Variants in DNAH7 observed in about 807,000 individuals in gnomAD.
DNAH7 encodes the protein axonemal beta dynein heavy chain 7.
Under a neutral mutation model 444.6 loss-of-function variants are expected in DNAH7, and 397 were observed. That is an observed-to-expected ratio of 0.89 (90% confidence interval 0.82 to 0.97). The LOEUF is 0.97. Among genes scored for constraint, DNAH7 ranks in the 50% least tolerant of loss-of-function variants. The probability of loss-of-function intolerance (pLI) is 0.00; values close to 1 mark genes in which losing one functional copy is unlikely to be tolerated. For synonymous variants in DNAH7, 1,636 were observed against 1,624.4 expected (o/e 1.01, Z -0.17); for missense variants, 4,902 against 4,800.8 (o/e 1.02, Z -0.62).
At chr2:195,955,206 G>A (rs532827380) in intron 19 of DNAH7, among the ~76,000 whole-genome samples, 1 of 152,260 alleles carries the variant, frequency 6.6e-6, no homozygotes, top group African/African-American at 2.4e-5. Context: ...TTTGTATAAG[G>A]TGTAAGGAAG....
chr2:196,056,773 G>A (rs561545364), intron 2 of DNAH7, among the ~76,000 whole-genome samples: 22 of 152,212 alleles, frequency 1.4e-4, no homozygotes, highest in Admixed American at 5.9e-4. Flanking sequence ...TTATTATTGC[G>A]TCTCAAATAC....
At chr2:195,944,850 C>T (rs1689696242) in intron 19 of DNAH7, among the ~76,000 whole-genome samples, 1 of 151,906 alleles carries the variant, frequency 6.6e-6, no homozygotes, top group Non-Finnish European at 1.5e-5. Flanking sequence ...TTTTATTTCT[C>T]CAGTGCTTTT....
chr2:195,966,104 C>T (rs762288829), intron 17 of DNAH7, among the ~76,000 whole-genome samples: 1 of 151,732 alleles, frequency 6.6e-6, no homozygotes, highest in Non-Finnish European at 1.5e-5. Flanking sequence ...TAAATTTCCC[C>T]CTTAGCACTG....
intron 54 of DNAH7, among the ~76,000 whole-genome samples, chr2:195,803,916 C>A (rs2124829698): frequency 1.3e-5 from 2 of 152,242 alleles, no homozygotes. Context: ...CTATTAAATT[C>A]TAAAGGAAAG....
chr2:196,013,345 A>C (rs549352918), intron 9 of DNAH7, among the ~76,000 whole-genome samples: 1 of 151,842 alleles, frequency 6.6e-6, no homozygotes, highest in African/African-American at 2.4e-5. Context: ...AAGAACCAGT[A>C]TATCAAACTC....
At chr2:195,914,342 C>T (rs1211150986) in intron 24 of DNAH7, among the ~76,000 whole-genome samples, 1 of 152,202 alleles carries the variant, frequency 6.6e-6, no homozygotes, top group Non-Finnish European at 1.5e-5. Context: ...TAGATATACA[C>T]ATGTAATGTT....
chr2:195,898,716 A>G (rs555600954), intron 28 of DNAH7, among the ~76,000 whole-genome samples: 45 of 152,350 alleles, frequency 3.0e-4, no homozygotes, highest in African/African-American at 9.9e-4. Flanking sequence ...AGCAAGTTCC[A>G]CAGAGAGAGT....
In DNAH7 at chr2:195,799,330, G is replaced by C; in HGVS notation, c.10319C>G (p.Pro3440Arg). 1 of 1,600,440 alleles carries C rather than the reference G, an allele frequency of 6.2e-7. No individual in the cohort carries two copies. The highest frequency in any genetic ancestry group is 8.5e-7 in the Non-Finnish European group (1 of 1,173,506). ...LIFVLSPGADPMAALLKFADD... is the reference protein window; with the variant it reads ...LIFVLSPGADRMAALLKFADD... ...AGCAAATTTTAGAAGGGCAGCCATG[G>C]GATCTGCTCCAGGAGAGAGCACGAA... The change falls in exon 55 of 65, where the codon CCC becomes CGC. Residue 3440 changes from proline (P) to arginine (R), a missense_variant. By Grantham distance (103) the Pro-to-Arg change is moderately radical. Transcript: ENST00000312428.
At chr2:195,931,783 T>A (rs1290435263) in intron 21 of DNAH7, among the ~76,000 whole-genome samples, 1 of 152,230 alleles carries the variant, frequency 6.6e-6, no homozygotes, top group Non-Finnish European at 1.5e-5. Flanking sequence ...TTGGTCTACA[T>A]CTCTGTTTTG....
intron 61 of DNAH7, among the ~76,000 whole-genome samples, chr2:195,759,388 G>T (rs1198867279): frequency 2.0e-5 from 3 of 152,188 alleles, no homozygotes; most frequent in Admixed American, 6.5e-5. Flanking sequence ...ATAATAAGCA[G>T]CAGTAGCCAG....
rs1028023633 is a variant in DNAH7, at chr2:195,898,551, T to A, written c.4549-786A>T. Among the ~76,000 whole-genome samples, 4 of 152,192 alleles carry A rather than the reference T, an allele frequency of 2.6e-5. No homozygotes were observed. In the South Asian group the frequency reaches 8.3e-4, roughly 31 times the overall value. ...TCAGTTTTCGCACCATGCAGTTAGA[T>A]GACATAATAACAGTAACGTGTCCAA... On this transcript the variant is annotated intron_variant, in intron 28 of 64. Coordinates refer to ENST00000312428, the MANE Select transcript of DNAH7 (RefSeq NM_018897.3).
chr2:195,777,763 T>G, intron 59 of DNAH7, 37 bp downstream of exon 59: 9 of 1,564,232 alleles, frequency 5.8e-6, no homozygotes, highest in Non-Finnish European at 7.8e-6. Flanking sequence ...TAATTTCATG[T>G]CTTACTGCTT....
intron 63 of DNAH7, among the ~76,000 whole-genome samples, chr2:195,746,492 G>A (rs1367458234): frequency 8.5e-5 from 13 of 152,050 alleles, no homozygotes; most frequent in East Asian, 1.9e-4. Context: ...TGCACCAAGC[G>A]GACCTAATAG....
chr2:195,886,152 A>G lies in DNAH7; in HGVS notation c.5527T>C (p.Ser1843Pro), dbSNP rs1701696828. ...GCAACGGACCTTACCTCAAGCAAAG[A>G]GTAAGTTTCTCGATCATTTCTCTCC... ...LKERNDRETY[S>P]LLEGIFLFSL... The change falls in exon 34 of 65, where the codon TCT becomes CCT. Residue 1843 changes from serine (S) to proline (P), a missense_variant. Physicochemically the swap from Ser to Pro is moderately conservative, Grantham distance 74. Transcript: ENST00000312428. The G allele has an allele frequency of 1.9e-6, 3 of 1,613,360 alleles. No individual in the cohort carries two copies. The highest frequency in any genetic ancestry group is 2.5e-6 in the Non-Finnish European group (3 of 1,179,696).
intron 25 of DNAH7, 42 bp downstream of exon 25, chr2:195,909,985 A>T: frequency 1.3e-6 from 2 of 1,542,754 alleles, no homozygotes; most frequent in Non-Finnish European, 1.8e-6. Context: ...ACCATCTCTG[A>T]TCAGTTATCC....
chr2:195,891,186 C>G (rs865787876), intron 31 of DNAH7, among the ~76,000 whole-genome samples: 2 of 152,164 alleles, frequency 1.3e-5, no homozygotes, highest in African/African-American at 4.8e-5. Flanking sequence ...TTCTAATATG[C>G]TAAAGGAAAA....
chr2:195,827,350 T>G (rs1321706495), intron 48 of DNAH7, among the ~76,000 whole-genome samples: 1 of 151,706 alleles, frequency 6.6e-6, no homozygotes, highest in East Asian at 1.9e-4. Flanking sequence ...CAATCTCAGC[T>G]CACTGCAACC....
At chr2:196,001,177 T>C (rs1290869428) in intron 11 of DNAH7, among the ~76,000 whole-genome samples, 1 of 151,986 alleles carries the variant, frequency 6.6e-6, no homozygotes, top group Non-Finnish European at 1.5e-5. Flanking sequence ...AGAAGAACAC[T>C]CCAATTCCAA....
chr2:195,961,523 T>A (rs1337184329), intron 17 of DNAH7, among the ~76,000 whole-genome samples: 1 of 152,178 alleles, frequency 6.6e-6, no homozygotes, highest in Non-Finnish European at 1.5e-5. Flanking sequence ...ATATTTGACT[T>A]AACATAAGTC....
Sources: allele counts gnomAD v4.1 joint callset (sites outside exome capture counted in the v4.1 genomes callset), GRCh38; gene constraint gnomAD v4.1.1; transcripts MANE v1.5; gene names NCBI Gene and HGNC (gene_info 2026-07-23, HGNC 2026-07-21).